NLRP13: variants seen among roughly 807,000 people sequenced by gnomAD.
NLRP13 encodes NACHT, LRR and PYD domains-containing protein 13.
A neutral mutation model predicts 94.4 loss-of-function variants in NLRP13; 82 were observed. The ratio of observed to expected loss-of-function variants is 0.87; its 90% CI spans 0.73 to 1.04. The LOEUF (loss-of-function observed/expected upper bound fraction) is 1.04, where lower values mean the gene tolerates loss of function less well. Among genes scored for constraint, NLRP13 ranks in the 50% least tolerant of loss-of-function variants. The pLI is 0.00. For synonymous variants in NLRP13, 553 were observed against 464.7 expected (o/e 1.19, Z -2.45); for missense variants, 1,426 against 1,230.8 (o/e 1.16, Z -2.37).
chr19:55,904,136 G>A (rs6509969), intron 8 of NLRP13, among the ~76,000 whole-genome samples: 119,133 of 152,154 alleles, frequency 0.78, 47,550 homozygotes, highest in East Asian at 0.96. Context: ...TCTGTCATCC[G>A]GGCTGGAGTG....
At position 55,913,106 on chromosome 19, in the gene NLRP13, T is replaced by C; in HGVS notation, c.711A>G (p.Ala237=). 1 of 1,614,154 alleles carries C rather than the reference T, an allele frequency of 6.2e-7. No homozygotes were observed. The highest frequency in any genetic ancestry group is 2.2e-5 in the East Asian group (1 of 44,868). The change falls in exon 5 of 11, where the codon GCA becomes GCG. Residue 237 remains alanine, a synonymous_variant. Transcript: ENST00000342929. The stretch of plus-strand genomic sequence containing the variant: ...TTGCCAAGGTGGTCTTCCCAACCCC[T>C]GCCCTCCCCACCAAGACTATCGTCT... ...QAQTIVLVGR[A]GVGKTTLAMQ...
downstream of NLRP13, among the ~76,000 whole-genome samples, chr19:55,892,933 A>G (rs1306909305): frequency 1.3e-5 from 2 of 152,170 alleles, no homozygotes; most frequent in Non-Finnish European, 2.9e-5. Context: ...TGTGTTCCTC[A>G]CAGCACTGTT....
chr19:55,914,916 C>CT (rs1475167207), intron 4 of NLRP13, among the ~76,000 whole-genome samples: 1 of 152,170 alleles, frequency 6.6e-6, no homozygotes, highest in Non-Finnish European at 1.5e-5. Context: ...ATACTGATTT[C>CT]TTCTTGCCAA....
Position 55,902,183 on chromosome 19 carries a change from C to G in NLRP13, c.2641G>C (p.Ala881Pro). ...TCTGACAAGTGCTTGCAAGCGGGTG[C>G]TGCCAGCTGGCAAAACCAGAGCCTG... ...RLELWFCQLAAPACKHLSDAL... is the reference protein window; with the variant it reads ...RLELWFCQLAPPACKHLSDAL... The change falls in exon 9 of 11, where the codon GCA becomes CCA. Residue 881 changes from alanine to proline, a missense_variant. Transcript: ENST00000342929. The G allele has an allele frequency of 6.2e-7, 1 of 1,613,918 alleles. No individual in the cohort carries two copies. The highest frequency in any genetic ancestry group is 8.5e-7 in the Non-Finnish European group (1 of 1,179,938).
chr19:55,917,201 A>G (rs1438624650), intron 4 of NLRP13, among the ~76,000 whole-genome samples: 1 of 152,148 alleles, frequency 6.6e-6, no homozygotes, highest in East Asian at 1.9e-4. Flanking sequence ...CTTGTACTAC[A>G]GGAAATACTT....
Position 55,898,942 on chromosome 19 carries a change from A to C in NLRP13, c.2790-5T>G. The C allele has an allele frequency of 6.2e-7, 1 of 1,606,866 alleles. No homozygotes were observed. The highest frequency in any genetic ancestry group is 8.5e-7 in the Non-Finnish European group (1 of 1,177,500). On this transcript the variant is annotated splice_polypyrimidine_tract_variant and splice_region_variant and intron_variant, in intron 9 of 10. Coordinates refer to ENST00000342929, the MANE Select transcript of NLRP13 (RefSeq NM_176810.2). Reference sequence around the variant, plus strand: ...GTGAAAGAACAACCTGACAAACTGCAAAATAAAAACATACAAAAGGGGGGA... The same window carrying C: ...GTGAAAGAACAACCTGACAAACTGCCAAATAAAAACATACAAAAGGGGGGA...
intron 1 of NLRP13, 97 bp from the exon 2 acceptor site, chr19:55,925,132 A>G (rs1442537465): frequency 9.1e-7 from 1 of 1,095,788 alleles, no homozygotes; most frequent in Admixed American, 1.8e-5. Flanking sequence ...CTTCTATGAC[A>G]AACTGGAGTT....
chr19:55,898,206 G>GTTTTTTTTTTT (rs67273235), intron 10 of NLRP13, among the ~76,000 whole-genome samples: 2 of 20,068 alleles, frequency 1.0e-4, no homozygotes, highest in African/African-American at 3.9e-4. Flanking sequence ...TTTTGTTTTT[G>GTTTTTTTTTTT]TTTTTGTTTT....
At chr19:55,907,478 G>A (rs1050472307) in intron 7 of NLRP13, among the ~76,000 whole-genome samples, 1 of 152,158 alleles carries the variant, frequency 6.6e-6, no homozygotes, top group South Asian at 2.1e-4. Flanking sequence ...GGGCTGCAGT[G>A]GGAGGACTGC....
At position 55,898,206 on chromosome 19, in the gene NLRP13, G is replaced by GTTTTT. The variant is rs67273235; in HGVS notation, c.2957+559_2957+563dup. Among the ~76,000 whole-genome samples the GTTTTT allele has an allele frequency of 3.5e-3, 71 of 20,038 alleles. 4 individuals are homozygous for GTTTTT. The highest frequency in any genetic ancestry group is 9.1e-3 in the African/African-American group (47 of 5,172). The allele number at this position is 20,038 out of a possible 152,430, so 13.1% of individuals were successfully genotyped here. ...ATCTAGCAGGAGAGTTTTTGTTTTT[G>GTTTTT]TTTTTGTTTTTTTTTTTTTTGAGAT... On this transcript the variant is annotated intron_variant, in intron 10 of 10. Coordinates refer to ENST00000342929, the MANE Select transcript of NLRP13 (RefSeq NM_176810.2).
rs746498828 is a variant in NLRP13, at chr19:55,911,701, C to T, written c.2111+5G>A. On this transcript the variant is annotated splice_donor_5th_base_variant and intron_variant, in intron 5 of 10. Transcript: ENST00000342929. ...GCTGAGAAAGAAATGGTTTGTAATA[C>T]TCACTCCAGAATTTCCAAGTCCCTT... The T allele has an allele frequency of 6.3e-7, 1 of 1,585,260 alleles. No homozygotes were observed. The highest frequency in any genetic ancestry group is 8.6e-7 in the Non-Finnish European group (1 of 1,166,868).
At chr19:55,893,782 G>A (rs994631142), downstream of NLRP13, among the ~76,000 whole-genome samples, 10 of 152,162 alleles carry the variant, frequency 6.6e-5, no homozygotes, top group East Asian at 1.9e-4. Context: ...AAGAGGAGGC[G>A]AGGGTCTGGG....
chr19:55,909,203 T>C (rs1157842877), intron 6 of NLRP13, among the ~76,000 whole-genome samples: 1 of 152,148 alleles, frequency 6.6e-6, no homozygotes, highest in Non-Finnish European at 1.5e-5. Flanking sequence ...CCCGGCTTAA[T>C]TGTTATACAA....
At position 55,925,046 on chromosome 19, in the gene NLRP13, C is replaced by G; in HGVS notation, c.320-11G>C. The G allele has an allele frequency of 4.3e-6, 7 of 1,613,262 alleles. No homozygotes were observed. The highest frequency in any genetic ancestry group is 5.1e-6 in the Non-Finnish European group (6 of 1,179,312). ...GGGTCTGCACATTCTCTGAAACAAA[C>G]AGTGATGATGACATATGAGAATACC... On this transcript the variant is annotated splice_polypyrimidine_tract_variant and intron_variant, in intron 1 of 10. Transcript: ENST00000342929.
At chr19:55,928,404 T>A (rs964419407) in intron 1 of NLRP13, among the ~76,000 whole-genome samples, 3 of 152,168 alleles carry the variant, frequency 2.0e-5, no homozygotes, top group East Asian at 1.9e-4. Flanking sequence ...CAGAATTTTT[T>A]AAATTTAAGT....
intron 8 of NLRP13, among the ~76,000 whole-genome samples, chr19:55,904,156 G>A (rs903213943): frequency 7.9e-5 from 12 of 152,230 alleles, no homozygotes; most frequent in African/African-American, 2.6e-4. Context: ...GTAGTGGCAC[G>A]ATCTCAGCTC....
chr19:55,907,661 T>G, intron 7 of NLRP13, 131 bp downstream of exon 7: 1 of 846,278 alleles, frequency 1.2e-6, no homozygotes, highest in Non-Finnish European at 1.9e-6. Flanking sequence ...CATAGGAACA[T>G]TCTCCTTTGC....
intron 10 of NLRP13, among the ~76,000 whole-genome samples, chr19:55,896,535 A>AAAAG (rs1382595076): frequency 1.4e-5 from 2 of 141,260 alleles, no homozygotes; most frequent in African/African-American, 5.3e-5. Flanking sequence ...AAAAAAAAAA[A>AAAAG]GGGCTGGGCG....
chr19:55,911,460 C>A (rs944390282), intron 5 of NLRP13, among the ~76,000 whole-genome samples: 1 of 152,186 alleles, frequency 6.6e-6, no homozygotes, highest in African/African-American at 2.4e-5. Flanking sequence ...ATGCCTGGTA[C>A]TTAAACCCTC....
Sources: gnomAD v4.1 joint callset for allele counts (sites outside exome capture counted in the v4.1 genomes callset) on GRCh38, gnomAD v4.1.1 for gene constraint, MANE v1.5 for transcripts, NCBI Gene and HGNC (gene_info 2026-07-23, HGNC 2026-07-21) for gene names.